Variants in MGAT5 observed in about 807,000 individuals in gnomAD.
MGAT5 encodes the protein alpha-1,6-mannosylglycoprotein 6-beta-N-acetylglucosaminyltransferase.
Under a neutral mutation model 94.3 loss-of-function variants are expected in MGAT5, and 30 were observed. That is an observed-to-expected ratio of 0.32 (90% CI 0.24 to 0.43). MGAT5 has a LOEUF of 0.43. MGAT5 is among the 20% of genes least tolerant of loss of function. The pLI is 1.00. For missense variants in MGAT5, 691 were observed against 905.5 expected, an observed-to-expected ratio of 0.76 and a Z score of 3.04; for synonymous variants, 310 against 322.9, an observed-to-expected ratio of 0.96 and a Z score of 0.43.
At chr2:134,182,863 T>C (rs7583369) in intron 1 of MGAT5, among the ~76,000 whole-genome samples, 21,661 of 143,656 alleles carry the variant, frequency 0.15, 1,707 homozygotes, top group Admixed American at 0.22. Flanking sequence ...CTCAGCTCAC[T>C]GCAAGCTCCG....
At chr2:134,156,680 C>T (rs550977607) in intron 1 of MGAT5, among the ~76,000 whole-genome samples, 107 of 152,256 alleles carry the variant, frequency 7.0e-4, no homozygotes, top group East Asian at 1.4e-3. Flanking sequence ...ACGAGAGCCA[C>T]GAGAGAGCTC....
intron 15 of MGAT5, among the ~76,000 whole-genome samples, chr2:134,444,577 C>T (rs921274827): frequency 6.6e-5 from 10 of 152,204 alleles, no homozygotes; most frequent in South Asian, 2.1e-4. Context: ...GTGATCCTGG[C>T]CCATCCATAT....
chr2:134,362,164 G>A (rs1278799749), intron 9 of MGAT5, 111 bp from the exon 10 acceptor site: 3 of 1,319,158 alleles, frequency 2.3e-6, no homozygotes, highest in African/African-American at 1.5e-5. Flanking sequence ...AACAGGGTAA[G>A]ATGAAAACAA....
chr2:134,413,747 ACT>A (rs1362397324), intron 12 of MGAT5, among the ~76,000 whole-genome samples: 11 of 152,166 alleles, frequency 7.2e-5, no homozygotes, highest in African/African-American at 2.7e-4. Context: ...GTAGTAAGTG[ACT>A]CTGCAGGCAG....
chr2:134,172,379 T>A (rs1297610164), intron 1 of MGAT5, among the ~76,000 whole-genome samples: 3 of 128,718 alleles, frequency 2.3e-5, no homozygotes, highest in Non-Finnish European at 4.8e-5. Context: ...AAGTACTCCC[T>A]TTTTTTTTTT....
rs12621475 is a variant in MGAT5, at chr2:134,227,765, C to T, written c.-142-26497C>T. 7.8e-3 allele frequency among the ~76,000 whole-genome samples: 1,182 copies of T among 152,164 alleles called. 11 individuals are homozygous for T. Among genetic ancestry groups the T allele is most frequent in the East Asian group, 0.033 (170 of 5,168 alleles). The stretch of plus-strand genomic sequence containing the variant: ...GTATGGACTCAAAAGAGTTCTGGTT[C>T]GTGGCAGGTAGGGACCATTGTATTC... On this transcript the variant is annotated intron_variant, in intron 1 of 16. Coordinates refer to the MGAT5 transcript ENST00000409645.
intron 8 of MGAT5, among the ~76,000 whole-genome samples, chr2:134,346,856 A>C (rs546867630): frequency 6.6e-6 from 1 of 152,220 alleles, no homozygotes. Context: ...GTAAACTGCA[A>C]GTAGTCCAAG....
At chr2:134,151,342 T>C (rs1687162579) in intron 1 of MGAT5, among the ~76,000 whole-genome samples, 1 of 124,066 alleles carries the variant, frequency 8.1e-6, no homozygotes, top group Non-Finnish European at 1.6e-5. Flanking sequence ...TGGGACCCAC[T>C]CACCGCCATG....
intron 1 of MGAT5, among the ~76,000 whole-genome samples, chr2:134,213,326 C>A (rs1680296493): frequency 6.6e-6 from 1 of 151,574 alleles, no homozygotes; most frequent in Admixed American, 6.6e-5. Flanking sequence ...TGGGAGCCCC[C>A]CCGCCCCCCA....
chr2:134,421,342 T>C (rs1160324318), intron 12 of MGAT5, among the ~76,000 whole-genome samples: 49 of 152,254 alleles, frequency 3.2e-4, no homozygotes, highest in Non-Finnish European at 1.0e-4. Context: ...CCTAGCACTT[T>C]GGGGGCTGAG....
intron 1 of MGAT5, among the ~76,000 whole-genome samples, chr2:134,194,808 G>GC (rs2105251935): frequency 6.6e-6 from 1 of 152,230 alleles, no homozygotes; most frequent in South Asian, 2.1e-4. Context: ...ACTGTTCAAG[G>GC]CCCTGGTGGA....
At chr2:134,384,214 GAAA>G (rs34069237) in intron 10 of MGAT5, among the ~76,000 whole-genome samples, 1 of 137,828 alleles carries the variant, frequency 7.3e-6, no homozygotes, top group Non-Finnish European at 1.5e-5. Context: ...TCCGGCCCTT[GAAA>G]AAAAAAAAAA....
chr2:134,191,411 C>A (rs72846726), intron 1 of MGAT5, among the ~76,000 whole-genome samples: 1 of 152,194 alleles, frequency 6.6e-6, no homozygotes, highest in South Asian at 2.1e-4. Flanking sequence ...CGTGGGTTAT[C>A]GCGGGAGCGC....
At chr2:134,230,829 C>CAA (rs1681320696) in intron 1 of MGAT5, among the ~76,000 whole-genome samples, 1 of 150,264 alleles carries the variant, frequency 6.7e-6, no homozygotes, top group Non-Finnish European at 1.5e-5. Flanking sequence ...AATGAAAACA[C>CAA]ACACACACAC....
chr2:134,378,907 C>T (rs955189285), intron 10 of MGAT5, among the ~76,000 whole-genome samples: 5 of 152,170 alleles, frequency 3.3e-5, no homozygotes, highest in South Asian at 2.1e-4. Context: ...TGAGCCATCG[C>T]GCCTGGCCTG....
intron 2 of MGAT5, among the ~76,000 whole-genome samples, chr2:134,276,168 C>T (rs1007439819): frequency 6.6e-6 from 1 of 150,516 alleles, no homozygotes; most frequent in African/African-American, 2.5e-5. Flanking sequence ...CCCCCACCCC[C>T]GCCGCCCGCC....
chr2:134,124,274 C>T (rs775177152), intron 1 of MGAT5, among the ~76,000 whole-genome samples: 2 of 152,200 alleles, frequency 1.3e-5, no homozygotes, highest in South Asian at 2.1e-4. Flanking sequence ...AGTTTGGACT[C>T]GAGCTGTGTG....
chr2:134,393,715 A>C (rs1166571259), intron 10 of MGAT5, among the ~76,000 whole-genome samples: 1 of 152,172 alleles, frequency 6.6e-6, no homozygotes, highest in East Asian at 1.9e-4. Flanking sequence ...ATTATTTTAC[A>C]GTAAATTAAG....
At chr2:134,224,695 T>G (rs963735610) in intron 1 of MGAT5, among the ~76,000 whole-genome samples, 2 of 152,202 alleles carry the variant, frequency 1.3e-5, no homozygotes, top group African/African-American at 4.8e-5. Flanking sequence ...GTTTTCTGCC[T>G]GTACCAATTC....
Sources: allele counts gnomAD v4.1 joint callset (sites outside exome capture counted in the v4.1 genomes callset), GRCh38; gene constraint gnomAD v4.1.1; transcripts MANE v1.5; gene names NCBI Gene and HGNC (gene_info 2026-07-23, HGNC 2026-07-21).